The following CARS2 variants were observed in gnomAD, a reference collection of about 807,000 sequenced individuals.
The protein encoded by CARS2 is probable cysteine--tRNA ligase, mitochondrial.
Under a neutral mutation model 68.8 loss-of-function variants are expected in CARS2, and 52 were observed. The ratio of observed to expected loss-of-function variants is 0.76; its 90% CI spans 0.61 to 0.95. The LOEUF is 0.95. Ranked by LOEUF, CARS2 falls within the 40% of genes least tolerant of loss-of-function variation. CARS2 has a pLI of 0.00. For missense variants in CARS2, 780 were observed against 754.2 expected (o/e 1.03, Z -0.40); for synonymous variants, 314 against 303.6 (o/e 1.03, Z -0.36).
In CARS2 at chr13:110,706,022, A is replaced by T; in HGVS notation, c.72T>A (p.Ala24=). ...LLQAALGLGR[A]GWHWPAGRAA... ...CCCGGCCCGCAGGCCAGTGCCACCC[A>T]GCCCGCCCAAGGCCCAGCGCGGCCT... Residue 24 remains alanine (A), a synonymous_variant, in exon 1 of 15, where the codon GCT becomes GCA. Coordinates refer to ENST00000257347, the MANE Select transcript of CARS2 (RefSeq NM_024537.4). 1 of 1,432,596 alleles carries T rather than the reference A, an allele frequency of 7.0e-7. No homozygotes were observed. Among genetic ancestry groups the T allele is most frequent in the Non-Finnish European group, 9.1e-7 (1 of 1,097,506 alleles). The allele number at this position is 1,432,596 out of a possible 1,614,324, so 88.7% of individuals were successfully genotyped here.
At position 110,677,015 on chromosome 13, in the gene CARS2, G is replaced by T. The variant is rs747726067; in HGVS notation, c.744C>A (p.Pro248=). 1.2e-6 allele frequency: 2 copies of T among 1,602,084 alleles called. No individual in the cohort carries two copies. The highest frequency in any genetic ancestry group is 1.7e-6 in the Non-Finnish European group (2 of 1,171,110). ...QEVFWASPWG[P]GRPGWHIECS... Reference sequence around the variant, plus strand: ...ACTCGATGTGCCAGCCCGGCCTCCCGGGTCCCCAGGGAGAGGCCCAGAACA... The same window carrying T: ...ACTCGATGTGCCAGCCCGGCCTCCCTGGTCCCCAGGGAGAGGCCCAGAACA... Residue 248 remains proline, a synonymous_variant, in exon 7 of 15, where the codon CCC becomes CCA. Transcript: ENST00000257347.
chr13:110,642,572 T>TC lies in CARS2; in HGVS notation c.1417-52_1417-51insG, dbSNP rs549395705. 3.0e-6 allele frequency: 4 copies of TC among 1,334,160 alleles called. No homozygotes were observed. The East Asian group carries it at 1.0e-4, about 35-fold the overall frequency. The allele number at this position is 1,334,160 out of a possible 1,614,324, so 82.6% of individuals were successfully genotyped here. A position where few individuals can be genotyped will look rare whatever the true frequency, so the allele number is the denominator to read the frequency against. ...TCCCCCGGAGACTGTGGATTGTGGA[T>TC]GCCCCCTCCCCACCCCGTGGTTGGG... On this transcript the variant is annotated intron_variant, in intron 13 of 14. Transcript: ENST00000257347.
chr13:110,701,379 G>C, intron 3 of CARS2, 59 bp downstream of exon 3: 3 of 855,818 alleles, frequency 3.5e-6, no homozygotes, highest in Non-Finnish European at 5.9e-6. Flanking sequence ...CCACTTTCAG[G>C]AAGGGCTCAG....
rs2062972972 is a variant in CARS2, at chr13:110,677,058, G to A, written c.701C>T (p.Ala234Val). ...RHASDFALWK[A>V]AKPQEVFWAS... ...CCAGAACACCTCCTGGGGTTTGGCC[G>A]CCTTCCACAGGGCGAAGTCACTGGC... Residue 234 changes from alanine to valine, a missense_variant, in exon 7 of 15, where the codon GCG becomes GTG. Coordinates refer to ENST00000257347, the MANE Select transcript of CARS2 (RefSeq NM_024537.4). The A allele has an allele frequency of 8.7e-6, 14 of 1,610,760 alleles. No individual in the cohort carries two copies. Among genetic ancestry groups the A allele is most frequent in the Admixed American group, 6.7e-5 (4 of 59,830 alleles).
rs201457197 is a variant in CARS2 at position 110,642,539 on chromosome 13, C to A, written c.1417-18G>T. ...GAAACGTACTGAAGCCAGCAGGGCGCGGTTACGTCCCCCGGAGACTGTGGA... is the reference window on the plus strand; with the variant it reads ...GAAACGTACTGAAGCCAGCAGGGCGAGGTTACGTCCCCCGGAGACTGTGGA... On this transcript the variant is annotated intron_variant, in intron 13 of 14. Transcript: ENST00000257347. The A allele has an allele frequency of 2.2e-5, 36 of 1,606,792 alleles. No homozygotes were observed. The highest frequency in any genetic ancestry group is 1.7e-5 in the Admixed American group (1 of 59,526).
At chr13:110,646,986 C>T in intron 11 of CARS2, 115 bp downstream of exon 11, 4 of 1,292,146 alleles carry the variant, frequency 3.1e-6, no homozygotes, top group Non-Finnish European at 4.1e-6. Flanking sequence ...TGACCCCAAA[C>T]CTCCTGTCCA....
At chr13:110,699,674 C>T (rs1426440035) in intron 3 of CARS2, among the ~76,000 whole-genome samples, 3 of 152,224 alleles carry the variant, frequency 2.0e-5, no homozygotes, top group Admixed American at 6.5e-5. Context: ...AGAGGAAGCA[C>T]CCGCAATGGA....
intron 7 of CARS2, among the ~76,000 whole-genome samples, chr13:110,675,666 C>G (rs1184332480): frequency 6.6e-6 from 1 of 152,036 alleles, no homozygotes; most frequent in African/African-American, 2.4e-5. Flanking sequence ...TGTAACAAAC[C>G]TGCACATTGT....
rs540897738 is a variant in CARS2, at chr13:110,665,028, G to A, written c.920-1510C>T. ...GCCCACTTAGCTCTTCCATCCACTGGGTACAGGAGAACAGGTGTCACTTCT... is the reference window on the plus strand; with the variant it reads ...GCCCACTTAGCTCTTCCATCCACTGAGTACAGGAGAACAGGTGTCACTTCT... On this transcript the variant is annotated intron_variant, in intron 8 of 14. Transcript: ENST00000257347. This position sits in a 1 kb window ranked among gnomAD's most constrained non-coding sequence, Gnocchi z 4.3. 1 of 985,398 alleles carries A rather than the reference G, an allele frequency of 1.0e-6. No individual in the cohort carries two copies. Among genetic ancestry groups the A allele is most frequent in the East Asian group, 1.1e-4 (1 of 8,810 alleles). 61.0% of individuals were successfully genotyped at this position (985,398 alleles called of 1,614,324 possible).
chr13:110,693,245 C>G (rs138061804), intron 3 of CARS2, among the ~76,000 whole-genome samples: 1 of 152,190 alleles, frequency 6.6e-6, no homozygotes, highest in South Asian at 2.1e-4. Context: ...CTTCTCTGCA[C>G]GTGGCTGCAC....
In CARS2 at chr13:110,665,693, C is replaced by T. The variant is rs992028694; in HGVS notation, c.919+1647G>A. ...GTGCCTGCGGAGGGAGCAACTCCAG[C>T]TCCTCAGACAGTTCAGGGAGCGCTG... On this transcript the variant is annotated intron_variant, in intron 8 of 14. Coordinates refer to ENST00000257347, the MANE Select transcript of CARS2 (RefSeq NM_024537.4). This position sits in a 1 kb window ranked among gnomAD's most constrained non-coding sequence, Gnocchi z 4.3. The T allele has an allele frequency of 2.5e-5, 25 of 985,300 alleles. No individual in the cohort carries two copies. The highest frequency in any genetic ancestry group is 5.2e-4 in the Middle Eastern group (1 of 1,936). The allele number at this position is 985,300 out of a possible 1,614,324, so 61.0% of individuals were successfully genotyped here.
chr13:110,673,022 G>A (rs1383106676), intron 7 of CARS2, among the ~76,000 whole-genome samples: 1 of 152,210 alleles, frequency 6.6e-6, no homozygotes, highest in Non-Finnish European at 1.5e-5. Context: ...CCAGGAAGAA[G>A]TTGAGTCCCT....
rs150711991 is a variant in CARS2 at position 110,647,979 on chromosome 13, C to T, written c.1055-740G>A. 1.5e-4 allele frequency among the ~76,000 whole-genome samples: 23 copies of T among 152,308 alleles called. No homozygotes were observed. The East Asian group carries it at 4.2e-3, about 28-fold the overall frequency. The stretch of plus-strand genomic sequence containing the variant: ...TGCTTTTGAGGAGTGCTGCTTTAAA[C>T]AGCTCTTTGAAAACCACAAGAATAA... On this transcript the variant is annotated intron_variant, in intron 10 of 14. Coordinates refer to ENST00000257347, the MANE Select transcript of CARS2 (RefSeq NM_024537.4).
chr13:110,652,041 C>T (rs1216752866), intron 9 of CARS2, among the ~76,000 whole-genome samples: 2 of 152,258 alleles, frequency 1.3e-5, no homozygotes, highest in African/African-American at 4.8e-5. Context: ...CCGGCTCTGA[C>T]CAAAGCCCCC....
chr13:110,659,144 G>A (rs1261777292), intron 9 of CARS2, among the ~76,000 whole-genome samples: 1 of 151,918 alleles, frequency 6.6e-6, no homozygotes, highest in African/African-American at 2.4e-5. Context: ...TCACACAAAT[G>A]TGCACATGCA....
chr13:110,663,722 G>A, intron 8 of CARS2: 4 of 1,345,042 alleles, frequency 3.0e-6, no homozygotes. Context: ...CACGGTGCAG[G>A]GACACCCAGC....
chr13:110,652,980 ACAC>A (rs2062259846), intron 9 of CARS2, among the ~76,000 whole-genome samples: 2 of 152,196 alleles, frequency 1.3e-5, no homozygotes, highest in South Asian at 4.1e-4. Flanking sequence ...ATGACATCAC[ACAC>A]CACAACTCAC....
chr13:110,682,111 T>C (rs1218567347), intron 6 of CARS2, among the ~76,000 whole-genome samples: 4 of 151,734 alleles, frequency 2.6e-5, no homozygotes, highest in Admixed American at 2.0e-4. Context: ...ATGCTGACAG[T>C]GTGGGGGGCG....
Position 110,705,719 on chromosome 13 carries a change from A to G in CARS2, c.225-148T>C, listed in dbSNP as rs1365050264. 6.5e-7 allele frequency: 1 copy of G among 1,532,848 alleles called. No homozygotes were observed. Among genetic ancestry groups the G allele is most frequent in the Admixed American group, 2.0e-5 (1 of 50,990 alleles). 95.0% of individuals were successfully genotyped at this position (1,532,848 alleles called of 1,614,324 possible). On this transcript the variant is annotated intron_variant, in intron 1 of 14. Transcript: ENST00000257347. The surrounding 1 kb of genome is among the most constrained non-coding windows in gnomAD (Gnocchi z 4.0). ...TTCATACTTGCTCAATTCACACCCAAACCTGCAAAAGCACCGCGCACCCCC... is the reference window on the plus strand; with the variant it reads ...TTCATACTTGCTCAATTCACACCCAGACCTGCAAAAGCACCGCGCACCCCC...
Sources: gnomAD v4.1 joint callset for allele counts (sites outside exome capture counted in the v4.1 genomes callset) on GRCh38, gnomAD v4.1.1 for gene constraint, Gnocchi (gnomAD v3.1) non-coding constraint, MANE v1.5 for transcripts, NCBI Gene and HGNC (gene_info 2026-07-23, HGNC 2026-07-21) for gene names.